Variants in PTK2 observed in about 807,000 individuals in gnomAD.
PTK2 encodes the protein focal adhesion kinase 1.
A neutral mutation model predicts 150.1 loss-of-function variants in PTK2; 45 were observed. The ratio of observed to expected loss-of-function variants is 0.30; its 90% CI spans 0.24 to 0.38. PTK2 has a LOEUF of 0.38. PTK2 is among the 10% of genes least tolerant of loss of function. The pLI, the probability that PTK2 is intolerant of heterozygous loss-of-function variation, is 1.00. For missense variants in PTK2, 919 were observed against 1,307.3 expected (o/e 0.70, Z 4.58); for synonymous variants, 432 against 449.2 (o/e 0.96, Z 0.48).
intron 14 of PTK2, among the ~76,000 whole-genome samples, chr8:140,773,615 G>C (rs1299360435): frequency 6.6e-6 from 1 of 152,164 alleles, no homozygotes; most frequent in Non-Finnish European, 1.5e-5. Context: ...GAGCAGCAGG[G>C]AGGTCAGGTG....
rs1158279637 is a variant in PTK2, at chr8:140,789,557, C to T, written c.1125-31G>A. ...ACAGACAAGAGCAAAGCTGTAAGCC[C>T]TGCAATTTCCCCAGGACCCCGCAAC... On this transcript the variant is annotated intron_variant, in intron 13 of 31. Transcript: ENST00000522684. 3.7e-6 allele frequency: 6 copies of T among 1,607,378 alleles called. No individual in the cohort carries two copies. The Middle Eastern group carries it at 5.0e-4, about 133-fold the overall frequency.
chr8:140,893,302 C>A (rs963494278), intron 2 of PTK2, among the ~76,000 whole-genome samples: 1 of 152,100 alleles, frequency 6.6e-6, no homozygotes. Context: ...CAGAAAGAGA[C>A]CCTGACATAA....
intron 22 of PTK2, among the ~76,000 whole-genome samples, chr8:140,731,622 T>C (rs114256474): frequency 0.041 from 6,254 of 152,192 alleles, 401 homozygotes; most frequent in African/African-American, 0.14. Flanking sequence ...AGGCTGGGCA[T>C]GGTGGCTCAT....
At chr8:140,911,604 G>C (rs1179385765) in intron 2 of PTK2, among the ~76,000 whole-genome samples, 1 of 152,070 alleles carries the variant, frequency 6.6e-6, no homozygotes, top group East Asian at 1.9e-4. Context: ...ACATACATAT[G>C]TGTGTACATT....
intron 8 of PTK2, among the ~76,000 whole-genome samples, chr8:140,820,076 G>GTTTGT (rs2100107277): frequency 4.0e-5 from 2 of 50,194 alleles, no homozygotes; most frequent in Non-Finnish European, 8.3e-5. Flanking sequence ...TCTGACTTTG[G>GTTTGT]TTTTTTTTTT....
intron 31 of PTK2, chr8:140,662,624 T>G (rs2082201962): frequency 1.9e-6 from 1 of 512,996 alleles, no homozygotes; most frequent in African/African-American, 1.9e-5. Flanking sequence ...AAAGGGTTTA[T>G]GCATATGAAT....
intron 1 of PTK2, among the ~76,000 whole-genome samples, chr8:140,997,951 T>C (rs1477593466): frequency 2.0e-5 from 3 of 152,024 alleles, no homozygotes; most frequent in African/African-American, 2.4e-5. Context: ...AAAAAAGAAA[T>C]GTACATTGCT....
chr8:140,709,801 A>T (rs1423069031), intron 23 of PTK2, among the ~76,000 whole-genome samples: 4 of 152,120 alleles, frequency 2.6e-5, no homozygotes, highest in South Asian at 4.1e-4. Flanking sequence ...TTTTGCTGAA[A>T]TTCTCCCTAA....
chr8:140,850,348 C>T (rs908036082), intron 5 of PTK2, among the ~76,000 whole-genome samples: 1 of 151,910 alleles, frequency 6.6e-6, no homozygotes, highest in Admixed American at 6.6e-5. Context: ...ATTGCTTGAA[C>T]CCAGGAGGCG....
intron 1 of PTK2, among the ~76,000 whole-genome samples, chr8:140,970,660 C>G (rs1334660257): frequency 6.6e-6 from 1 of 152,230 alleles, no homozygotes; most frequent in Non-Finnish European, 1.5e-5. Context: ...ATGAACTCAA[C>G]AGCCACCTGA....
At chr8:140,877,888 T>C in intron 4 of PTK2, among the ~76,000 whole-genome samples, 1 of 152,184 alleles carries the variant, frequency 6.6e-6, no homozygotes. Flanking sequence ...TCAATGACCA[T>C]TTTATTGAGC....
At chr8:140,689,318 G>A (rs2100021775) in intron 26 of PTK2, among the ~76,000 whole-genome samples, 1 of 152,148 alleles carries the variant, frequency 6.6e-6, no homozygotes, top group Admixed American at 6.5e-5. Flanking sequence ...TTGAGAAAAA[G>A]TACCTGAGAA....
chr8:140,706,065 C>T (rs1237630051), intron 24 of PTK2, 54 bp downstream of exon 27: 2 of 1,431,040 alleles, frequency 1.4e-6, no homozygotes, highest in African/African-American at 1.4e-5. Flanking sequence ...CGCTCTACCC[C>T]AAAAGCGCTA....
At chr8:140,955,887 G>T (rs2100181036) in intron 1 of PTK2, among the ~76,000 whole-genome samples, 1 of 152,188 alleles carries the variant, frequency 6.6e-6, no homozygotes, top group East Asian at 1.9e-4. Flanking sequence ...GACTATCTAC[G>T]ATGCAGCTAA....
intron 26 of PTK2, among the ~76,000 whole-genome samples, chr8:140,687,574 C>T (rs1007082448): frequency 6.6e-6 from 1 of 152,218 alleles, no homozygotes; most frequent in Non-Finnish European, 1.5e-5. Context: ...CACACCTGAG[C>T]CTGCCACTGA....
intron 14 of PTK2, among the ~76,000 whole-genome samples, chr8:140,784,821 CTT>C (rs1272791106): frequency 5.9e-5 from 9 of 152,176 alleles, no homozygotes; most frequent in African/African-American, 2.2e-4. Context: ...TAATCTTACA[CTT>C]ATTTTTGTAG....
intron 5 of PTK2, among the ~76,000 whole-genome samples, chr8:140,853,214 A>T (rs566935591): frequency 6.6e-6 from 1 of 151,522 alleles, no homozygotes; most frequent in African/African-American, 2.4e-5. Flanking sequence ...TTAATACTTT[A>T]AGTTTTAGGG....
intron 1 of PTK2, among the ~76,000 whole-genome samples, chr8:140,941,851 A>T (rs1327472717): frequency 6.6e-6 from 1 of 151,308 alleles, no homozygotes; most frequent in African/African-American, 2.4e-5. Flanking sequence ...GACTACAGGC[A>T]CGCACCACCA....
At chr8:140,870,688 T>C (rs2100141989) in intron 4 of PTK2, among the ~76,000 whole-genome samples, 1 of 152,132 alleles carries the variant, frequency 6.6e-6, no homozygotes, top group Admixed American at 6.5e-5. Context: ...AAAGATGTTA[T>C]AGATTACAAA....
Sources: gnomAD v4.1 joint callset for allele counts (sites outside exome capture counted in the v4.1 genomes callset) on GRCh38, gnomAD v4.1.1 for gene constraint, MANE v1.5 for transcripts, NCBI Gene and HGNC (gene_info 2026-07-23, HGNC 2026-07-21) for gene names.